The following SEM1 variants were observed in gnomAD, a reference collection of about 807,000 sequenced individuals.
SEM1 encodes the protein 26S proteasome complex subunit SEM1.
In SEM1, 3 loss-of-function variants were observed where a neutral mutation model predicts 12.7. The observed-to-expected ratio is 0.24, with a 90% confidence interval of 0.11 to 0.61. The LOEUF (loss-of-function observed/expected upper bound fraction) is 0.61, where lower values mean the gene tolerates loss of function less well. Among genes scored for constraint, SEM1 ranks in the 20% least tolerant of loss-of-function variants. The probability of loss-of-function intolerance (pLI) is 0.88; values close to 1 mark genes in which losing one functional copy is unlikely to be tolerated. For missense variants in SEM1, 59 were observed against 81.3 expected (o/e 0.73, Z 1.06); for synonymous variants, 30 against 27.8 (o/e 1.08, Z -0.25).
At chr7:96,564,387 G>A (rs1805783634) in intron 2 of SEM1, among the ~76,000 whole-genome samples, 1 of 151,846 alleles carries the variant, frequency 6.6e-6, no homozygotes, top group African/African-American at 2.4e-5. Context: ...GAAAACGTAA[G>A]ATGGGATTTT....
intron 1 of SEM1, among the ~76,000 whole-genome samples, chr7:96,494,690 C>T (rs1415585737): frequency 6.6e-6 from 1 of 151,142 alleles, no homozygotes; most frequent in Non-Finnish European, 1.5e-5. Context: ...GTGAGAGCTA[C>T]AAAAACTCAG....
intron 2 of SEM1, among the ~76,000 whole-genome samples, chr7:96,615,533 G>A (rs1807690687): frequency 6.6e-6 from 1 of 152,126 alleles, no homozygotes; most frequent in Admixed American, 6.5e-5. Context: ...GGGATTACAG[G>A]CATGAGCCAC....
At chr7:96,611,570 G>T (rs1807541189) in intron 2 of SEM1, among the ~76,000 whole-genome samples, 1 of 152,212 alleles carries the variant, frequency 6.6e-6, no homozygotes, top group Non-Finnish European at 1.5e-5. Flanking sequence ...GATCCATGGA[G>T]GAAGAAAGCA....
chr7:96,561,582 C>T (rs1303686304), intron 2 of SEM1, among the ~76,000 whole-genome samples: 3 of 152,202 alleles, frequency 2.0e-5, no homozygotes, highest in Non-Finnish European at 4.4e-5. Context: ...TCACCCCTAC[C>T]CTTGTATCTG....
chr7:96,709,755 C>A lies in SEM1; in HGVS notation c.9G>T (p.Glu3Asp). MS[E>D]KKQPVDLGLL... ...GACCTAAGTCTACCGGCTGCTTTTT[C>A]TCTGACATCTCGACTGTCCGCGCCC... The change falls in exon 1 of 3, where the codon GAG (glutamate) becomes GAT (aspartate). Residue 3 changes from glutamate to aspartate, a missense_variant. Transcript: ENST00000248566. The A allele has an allele frequency of 6.2e-7, 1 of 1,614,026 alleles. No individual in the cohort carries two copies. The highest frequency in any genetic ancestry group is 8.5e-7 in the Non-Finnish European group (1 of 1,179,968).
upstream of SEM1, among the ~76,000 whole-genome samples, chr7:96,497,581 G>A (rs1372537725): frequency 1.3e-5 from 2 of 152,046 alleles, no homozygotes; most frequent in Non-Finnish European, 2.9e-5. Context: ...TATAACTAAG[G>A]CTGGCTTTCA....
intron 2 of SEM1, chr7:96,664,048 G>T (rs1354052742): frequency 6.6e-6 from 1 of 152,154 alleles, no homozygotes; most frequent in Non-Finnish European, 1.5e-5. Flanking sequence ...TAATTGCCTT[G>T]GGAAATCAGT....
At chr7:96,502,214 T>G (rs1803586162) in intron 3 of SEM1, among the ~76,000 whole-genome samples, 1 of 152,182 alleles carries the variant, frequency 6.6e-6, no homozygotes, top group African/African-American at 2.4e-5. Flanking sequence ...GAGGTTAACC[T>G]GCTTAGGATC....
downstream of SEM1, among the ~76,000 whole-genome samples, chr7:96,684,186 T>G (rs74600968): frequency 6.6e-6 from 1 of 152,162 alleles, no homozygotes; most frequent in African/African-American, 2.4e-5. Context: ...CAATTGAGAC[T>G]ACATGCTCCC....
At chr7:96,656,424 C>G (rs1357167768) in intron 2 of SEM1, 1 of 152,334 alleles carries the variant, frequency 6.6e-6, no homozygotes, top group African/African-American at 2.4e-5. Context: ...CCTACCCCAG[C>G]CTCCTTGGCA....
chr7:96,665,484 A>G (rs1789145930), intron 2 of SEM1, among the ~76,000 whole-genome samples: 1 of 152,228 alleles, frequency 6.6e-6, no homozygotes, highest in East Asian at 1.9e-4. Flanking sequence ...CTTCTGAGAG[A>G]GTAAATATGA....
upstream of SEM1, among the ~76,000 whole-genome samples, chr7:96,499,321 A>G (rs1803421913): frequency 6.6e-6 from 1 of 152,154 alleles, no homozygotes; most frequent in African/African-American, 2.4e-5. Flanking sequence ...TTGAGTGACC[A>G]TTTCAGGTCA....
At position 96,513,476 on chromosome 7, in the gene SEM1, C is replaced by G. The variant is rs139959573; in HGVS notation, c.171-6778G>C. Among the ~76,000 whole-genome samples the G allele has an allele frequency of 1.8e-3, 267 of 152,182 alleles. 1 individual carries two copies. The highest frequency in any genetic ancestry group is 6.2e-3 in the African/African-American group (256 of 41,528). On this transcript the variant is annotated intron_variant and NMD_transcript_variant, in intron 2 of 3. Coordinates refer to the SEM1 transcript ENST00000466986. ...TAAAAGGGGAAACTTTTATCCTTAT[C>G]TGATAGCATTAGGGGGTTGATATGT...
intron 2 of SEM1, among the ~76,000 whole-genome samples, chr7:96,595,367 T>C (rs1806964979): frequency 6.6e-6 from 1 of 151,836 alleles, no homozygotes; most frequent in African/African-American, 2.4e-5. Flanking sequence ...TAAAAAACTG[T>C]CCAGCATGGT....
chr7:96,654,904 G>A (rs895758531), intron 2 of SEM1, among the ~76,000 whole-genome samples: 12 of 152,076 alleles, frequency 7.9e-5, no homozygotes, highest in African/African-American at 1.4e-4. Context: ...GTATGATGTC[G>A]CAAGCTCTCT....
chr7:96,504,905 T>G (rs918715391), intron 3 of SEM1, among the ~76,000 whole-genome samples: 1 of 151,782 alleles, frequency 6.6e-6, no homozygotes, highest in African/African-American at 2.4e-5. Flanking sequence ...TCCTATAGAA[T>G]CTCCTTGAGT....
chr7:96,505,469 G>A (rs1584719672), intron 3 of SEM1, among the ~76,000 whole-genome samples: 1 of 152,026 alleles, frequency 6.6e-6, no homozygotes, highest in Non-Finnish European at 1.5e-5. Context: ...TTCATGAAAG[G>A]TTGCAAAATA....
At chr7:96,682,517 TG>T (rs1218960790) in intron 2 of SEM1, among the ~76,000 whole-genome samples, 1 of 152,128 alleles carries the variant, frequency 6.6e-6, no homozygotes, top group African/African-American at 2.4e-5. Flanking sequence ...ACATTGGCTG[TG>T]GGTTTGTCAT....
chr7:96,609,608 A>G (rs927810343), intron 2 of SEM1, among the ~76,000 whole-genome samples: 1 of 152,166 alleles, frequency 6.6e-6, no homozygotes, highest in Non-Finnish European at 1.5e-5. Context: ...CTACAATACC[A>G]TGCATGCCAT....
Sources: gnomAD v4.1 joint callset for allele counts (sites outside exome capture counted in the v4.1 genomes callset) on GRCh38, gnomAD v4.1.1 for gene constraint, MANE v1.5 for transcripts, NCBI Gene and HGNC (gene_info 2026-07-23, HGNC 2026-07-21) for gene names.